NYAP2: variants seen among roughly 807,000 people sequenced by gnomAD.
NYAP2 encodes neuronal tyrosine-phosphorylated phosphoinositide-3-kinase adapter 2.
NYAP2 carries 23 observed loss-of-function variants against 50.4 expected under a neutral mutation model. That is an observed-to-expected ratio of 0.46 (90% CI 0.33 to 0.65). The LOEUF (loss-of-function observed/expected upper bound fraction) is 0.65, where lower values mean the gene tolerates loss of function less well. NYAP2 is among the 30% of genes least tolerant of loss of function. NYAP2 has a pLI of 0.02. For synonymous variants in NYAP2, 394 were observed against 365.2 expected (o/e 1.08, Z -0.90); for missense variants, 885 against 861.0 (o/e 1.03, Z -0.35).
At chr2:225,440,199 G>A (rs1381477433) in intron 3 of NYAP2, among the ~76,000 whole-genome samples, 1 of 152,194 alleles carries the variant, frequency 6.6e-6, no homozygotes, top group African/African-American at 2.4e-5. Context: ...AGGCTAGCAG[G>A]CTAAATGCCT....
At chr2:225,540,702 G>T (rs1187259033) in intron 4 of NYAP2, among the ~76,000 whole-genome samples, 1 of 152,118 alleles carries the variant, frequency 6.6e-6, no homozygotes, top group South Asian at 2.1e-4. Flanking sequence ...GGACACTTAG[G>T]TTACTTCCAA....
In NYAP2 at chr2:225,487,638, G is replaced by A. The variant is rs115070370; in HGVS notation, c.222-25733G>A. On this transcript the variant is annotated intron_variant, in intron 3 of 6. Transcript: ENST00000636099. ...GCCTCCCAAAGTGCTGAGATTACAGGCATGAGCCACCACGCCTGGCAAACT... is the reference window on the plus strand; with the variant it reads ...GCCTCCCAAAGTGCTGAGATTACAGACATGAGCCACCACGCCTGGCAAACT... Among the ~76,000 whole-genome samples, 938 of 152,290 alleles carry A rather than the reference G, an allele frequency of 6.2e-3. 5 individuals are homozygous for A. Among genetic ancestry groups the A allele is most frequent in the Non-Finnish European group, 0.01 (694 of 68,026 alleles).
At chr2:225,607,952 A>G (rs1692816941) in intron 5 of NYAP2, among the ~76,000 whole-genome samples, 1 of 152,148 alleles carries the variant, frequency 6.6e-6, no homozygotes, top group African/African-American at 2.4e-5. Flanking sequence ...TACGCAGAGA[A>G]TTGACTCGGG....
At chr2:225,404,160 A>G (rs148589119) in intron 2 of NYAP2, among the ~76,000 whole-genome samples, 6 of 152,052 alleles carry the variant, frequency 3.9e-5, no homozygotes, top group Admixed American at 2.0e-4. Context: ...TACAATGAGA[A>G]TAGCCCACAT....
intron 3 of NYAP2, among the ~76,000 whole-genome samples, chr2:225,446,216 G>GTCTGTCTGTCTC (rs1422980177): frequency 2.9e-5 from 2 of 69,658 alleles, no homozygotes; most frequent in African/African-American, 7.9e-5. Context: ...CTGTCTGTCT[G>GTCTGTCTGTCTC]TCTCTCTCTC....
At chr2:225,589,525 A>ATATATATATATATG (rs1692455572) in intron 5 of NYAP2, among the ~76,000 whole-genome samples, 1 of 132,848 alleles carries the variant, frequency 7.5e-6, no homozygotes, top group Non-Finnish European at 1.6e-5. Context: ...AAATATATAT[A>ATATATATATATATG]TATATATATA....
intron 3 of NYAP2, among the ~76,000 whole-genome samples, chr2:225,457,963 T>C (rs1234780440): frequency 2.6e-5 from 4 of 152,170 alleles, no homozygotes; most frequent in Non-Finnish European, 5.9e-5. Flanking sequence ...ATTTCTAAGA[T>C]GTTTTTCTGG....
chr2:225,612,748 C>G (rs1039469180), intron 5 of NYAP2, among the ~76,000 whole-genome samples: 16 of 54,580 alleles, frequency 2.9e-4, no homozygotes, highest in Non-Finnish European at 7.1e-4. Context: ...GAGGCCCCCC[C>G]CTTACAATCT....
intron 3 of NYAP2, among the ~76,000 whole-genome samples, chr2:225,475,004 AG>A (rs1690079834): frequency 6.6e-6 from 1 of 152,218 alleles, no homozygotes; most frequent in African/African-American, 2.4e-5. Flanking sequence ...ATAACACTCC[AG>A]TTCTAGGAAG....
intron 3 of NYAP2, among the ~76,000 whole-genome samples, chr2:225,432,616 T>C (rs1474077131): frequency 1.3e-5 from 2 of 152,116 alleles, no homozygotes; most frequent in Admixed American, 6.6e-5. Context: ...TATATCTAAT[T>C]CTGCTCTGTA....
At chr2:225,651,378 C>T in intron 6 of NYAP2, 54 bp from the exon 7 acceptor site, 1 of 1,610,214 alleles carries the variant, frequency 6.2e-7, no homozygotes, top group Non-Finnish European at 8.5e-7. Context: ...AAAGCCACTT[C>T]ATTATTCCAG....
intron 3 of NYAP2, among the ~76,000 whole-genome samples, chr2:225,429,528 A>G (rs553009441): frequency 9.2e-5 from 14 of 152,370 alleles, no homozygotes; most frequent in Middle Eastern, 3.4e-3. Context: ...TTTGAAATCA[A>G]TAATATTCAG....
At chr2:225,644,997 TG>T in intron 6 of NYAP2, among the ~76,000 whole-genome samples, 1 of 152,184 alleles carries the variant, frequency 6.6e-6, no homozygotes, top group Non-Finnish European at 1.5e-5. Context: ...CACTTCCTCA[TG>T]CCTGTAATCC....
chr2:225,588,430 G>A (rs1692425343), intron 5 of NYAP2, among the ~76,000 whole-genome samples: 1 of 151,620 alleles, frequency 6.6e-6, no homozygotes, highest in Non-Finnish European at 1.5e-5. Context: ...CCTAACCCCT[G>A]CCTCACATGG....
rs1574695584 is a variant in NYAP2, at chr2:225,587,924, T to C, written c.1618+4889T>C. Among the ~76,000 whole-genome samples, 5 of 152,258 alleles carry C rather than the reference T, an allele frequency of 3.3e-5. No homozygotes were observed. The South Asian group carries it at 1.0e-3, about 32-fold the overall frequency. Reference sequence around the variant, plus strand: ...ACCTCATCTTTTAGCCTTTAAAAAGTAGTAAATACTTTTTTTTTTAGGCGG... The same window carrying C: ...ACCTCATCTTTTAGCCTTTAAAAAGCAGTAAATACTTTTTTTTTTAGGCGG... On this transcript the variant is annotated intron_variant, in intron 5 of 6. Transcript: ENST00000636099.
intron 4 of NYAP2, among the ~76,000 whole-genome samples, chr2:225,551,318 G>C (rs1160168854): frequency 6.6e-6 from 1 of 152,208 alleles, no homozygotes; most frequent in Non-Finnish European, 1.5e-5. Context: ...TCAGGTGTGA[G>C]CCTTGGAAAT....
intron 4 of NYAP2, among the ~76,000 whole-genome samples, chr2:225,545,339 C>G (rs1350346387): frequency 6.6e-6 from 1 of 152,092 alleles, no homozygotes; most frequent in Non-Finnish European, 1.5e-5. Context: ...CCTTTTGAGG[C>G]CATTTTATAC....
At chr2:225,680,280 A>G in the NYAP2 span, among the ~76,000 whole-genome samples, 1 of 152,202 alleles carries the variant, frequency 6.6e-6, no homozygotes, top group Non-Finnish European at 1.5e-5. Flanking sequence ...TCTTAAGTTT[A>G]GAAGTATAGG....
chr2:225,545,947 A>G (rs549287042), intron 4 of NYAP2, among the ~76,000 whole-genome samples: 1 of 152,260 alleles, frequency 6.6e-6, no homozygotes, highest in Admixed American at 6.5e-5. Context: ...TCATAGATGT[A>G]CTGCCTTGGT....
Sources: gnomAD v4.1 joint callset for allele counts (sites outside exome capture counted in the v4.1 genomes callset) on GRCh38, gnomAD v4.1.1 for gene constraint, MANE v1.5 for transcripts, NCBI Gene and HGNC (gene_info 2026-07-23, HGNC 2026-07-21) for gene names.